TSPEAR: variants seen among roughly 807,000 people sequenced by gnomAD.
TSPEAR encodes thrombospondin type laminin G domain and EAR repeats.
In TSPEAR, 69 loss-of-function variants were observed where a neutral mutation model predicts 71.6. The ratio of observed to expected loss-of-function variants is 0.96; its 90% confidence interval spans 0.79 to 1.18. TSPEAR has a LOEUF of 1.18. Among genes scored for constraint, TSPEAR ranks in the 50% most tolerant of loss-of-function variants. The probability of loss-of-function intolerance (pLI) is 0.00; values close to 1 mark genes in which losing one functional copy is unlikely to be tolerated. For synonymous variants in TSPEAR, 402 were observed against 387.2 expected, an observed-to-expected ratio of 1.04 and a Z score of -0.45; for missense variants, 971 against 894.9, an observed-to-expected ratio of 1.09 and a Z score of -1.09.
At chr21:44,523,187 C>CAATT (rs1365754272) in intron 8 of TSPEAR, among the ~76,000 whole-genome samples, 8 of 148,650 alleles carry the variant, frequency 5.4e-5, no homozygotes, top group Non-Finnish European at 1.2e-4. Flanking sequence ...GCCAGCCAGC[C>CAATT]AATTAGTCAG....
At chr21:44,709,003 C>T (rs1263896389) in intron 1 of TSPEAR, among the ~76,000 whole-genome samples, 1 of 152,230 alleles carries the variant, frequency 6.6e-6, no homozygotes, top group Non-Finnish European at 1.5e-5. Flanking sequence ...CGGTCCCCAC[C>T]GCTGACGGTT....
At chr21:44,518,141 G>A (rs181370212) in intron 9 of TSPEAR, 29 of 353,674 alleles carry the variant, frequency 8.2e-5, no homozygotes, top group African/African-American at 5.2e-4. Context: ...TTTTTATTTC[G>A]TAAGTGCAGT....
At chr21:44,658,877 C>T (rs1403009275) in intron 1 of TSPEAR, among the ~76,000 whole-genome samples, 1 of 152,074 alleles carries the variant, frequency 6.6e-6, no homozygotes, top group Non-Finnish European at 1.5e-5. Context: ...TAGAAGAAAA[C>T]AATCCTCTAC....
chr21:44,614,464 T>C (rs1172254962), intron 1 of TSPEAR, among the ~76,000 whole-genome samples: 1 of 152,230 alleles, frequency 6.6e-6, no homozygotes, highest in Non-Finnish European at 1.5e-5. Flanking sequence ...CTGCCATTCG[T>C]GAGTGACCAA....
At chr21:44,613,813 G>A (rs188957604) in intron 1 of TSPEAR, among the ~76,000 whole-genome samples, 1 of 152,210 alleles carries the variant, frequency 6.6e-6, no homozygotes, top group African/African-American at 2.4e-5. Flanking sequence ...AAGGCCCGCC[G>A]CCCCTGCCCC....
At chr21:44,595,326 G>A (rs782387427) in intron 1 of TSPEAR, among the ~76,000 whole-genome samples, 7 of 152,080 alleles carry the variant, frequency 4.6e-5, no homozygotes, top group Admixed American at 6.5e-5. Context: ...CACCAGCACC[G>A]AATAACCAAA....
At chr21:44,525,582 C>A (rs587655530) in intron 8 of TSPEAR, 71 bp downstream of exon 8, 3 of 1,473,438 alleles carry the variant, frequency 2.0e-6, no homozygotes, top group African/African-American at 2.8e-5. Flanking sequence ...GATACACATT[C>A]GCCCTGCCTG....
chr21:44,665,991 C>T (rs2031376399), intron 1 of TSPEAR, among the ~76,000 whole-genome samples: 1 of 152,180 alleles, frequency 6.6e-6, no homozygotes, highest in South Asian at 2.1e-4. Context: ...ACTTCTGTGG[C>T]CACTGCACCT....
intron 8 of TSPEAR, 115 bp from the exon 9 acceptor site, chr21:44,522,227 GA>G (rs2145961705): frequency 4.1e-6 from 4 of 980,314 alleles, no homozygotes; most frequent in Non-Finnish European, 6.4e-6. Context: ...GACCCACGAG[GA>G]CAAGGCCAAC....
intron 1 of TSPEAR, among the ~76,000 whole-genome samples, chr21:44,707,485 C>A (rs372392141): frequency 2.0e-5 from 3 of 152,136 alleles, no homozygotes; most frequent in Non-Finnish European, 4.4e-5. Flanking sequence ...ACCAGAGAGG[C>A]TGGAGACCCT....
intron 9 of TSPEAR, among the ~76,000 whole-genome samples, chr21:44,521,167 G>A (rs2052725811): frequency 1.3e-5 from 2 of 152,198 alleles, no homozygotes; most frequent in African/African-American, 4.8e-5. Context: ...GCTGTCACCG[G>A]CGCTGCAGAG....
chr21:44,611,649 T>A (rs1981680756), intron 1 of TSPEAR, among the ~76,000 whole-genome samples: 1 of 152,130 alleles, frequency 6.6e-6, no homozygotes, highest in South Asian at 2.1e-4. Flanking sequence ...CATTGTTCAA[T>A]GGAGCAGAAC....
At chr21:44,683,836 A>T (rs1201010620) in intron 1 of TSPEAR, among the ~76,000 whole-genome samples, 1 of 152,274 alleles carries the variant, frequency 6.6e-6, no homozygotes, top group Non-Finnish European at 1.5e-5. Flanking sequence ...ATTAAAGGAA[A>T]ACATTGTCTT....
At position 44,631,835 on chromosome 21, in the gene TSPEAR, A is replaced by C. The variant is rs1983274812; in HGVS notation, c.83-63830T>G. 1.3e-5 allele frequency among the ~76,000 whole-genome samples: 2 copies of C among 152,252 alleles called. 1 individual carries two copies. The highest frequency in any genetic ancestry group is 4.1e-4 in the South Asian group (2 of 4,832). On this transcript the variant is annotated intron_variant, in intron 1 of 11. Coordinates refer to ENST00000323084, the MANE Select transcript of TSPEAR (RefSeq NM_144991.3). ...TTAACAGCAGTGTCAGAAGAAGAGC[A>C]GAGAGAGAATGGAGCACTCAAAACT... is the stretch of plus-strand genomic sequence containing the variant.
chr21:44,696,122 C>T (rs569322519), intron 1 of TSPEAR, among the ~76,000 whole-genome samples: 1 of 152,296 alleles, frequency 6.6e-6, no homozygotes, highest in East Asian at 1.9e-4. Flanking sequence ...AATGTTTTTT[C>T]ACATTCCCAC....
At chr21:44,627,516 T>C (rs1488501514) in intron 1 of TSPEAR, 1 of 1,535,000 alleles carries the variant, frequency 6.5e-7, no homozygotes, top group African/African-American at 1.4e-5. Flanking sequence ...CCGTCTGCTG[T>C]GGGGCTTCTT....
chr21:44,657,974 G>A (rs370770521), intron 1 of TSPEAR: 163 of 1,610,706 alleles, frequency 1.0e-4, no homozygotes, highest in Admixed American at 1.3e-4. Context: ...CCAGCCACAC[G>A]CCACCATGTG....
At chr21:44,599,134 T>TCTCTCTCTCTCTCTCTCTCTCTCTCTCTC (rs1980573681) in intron 1 of TSPEAR, among the ~76,000 whole-genome samples, 1 of 92,278 alleles carries the variant, frequency 1.1e-5, no homozygotes, top group Non-Finnish European at 2.4e-5. Flanking sequence ...GGCCCCCATT[T>TCTCTCTCTCTCTCTCTCTCTCTCTCTCTC]TCTCTCTCTC....
At chr21:44,641,335 G>A (rs1199935186) in intron 1 of TSPEAR, among the ~76,000 whole-genome samples, 1 of 152,170 alleles carries the variant, frequency 6.6e-6, no homozygotes, top group Non-Finnish European at 1.5e-5. Context: ...CCAAGTTCCA[G>A]GAGACTGAAA....
Sources: allele counts gnomAD v4.1 joint callset (sites outside exome capture counted in the v4.1 genomes callset), GRCh38; gene constraint gnomAD v4.1.1; transcripts MANE v1.5; gene names NCBI Gene and HGNC (gene_info 2026-07-23, HGNC 2026-07-21).